Variants in NELL1 observed in about 807,000 individuals in gnomAD.
NELL1 encodes the protein neural EGFL like 1.
Under a neutral mutation model 107.4 loss-of-function variants are expected in NELL1, and 76 were observed. The observed-to-expected ratio is 0.71, with a 90% CI of 0.59 to 0.86. NELL1 has a LOEUF of 0.86. Ranked by LOEUF, NELL1 falls within the 40% of genes least tolerant of loss-of-function variation. NELL1 has a pLI of 0.00. For synonymous variants in NELL1, 353 were observed against 341.2 expected (o/e 1.03, Z -0.38); for missense variants, 1,024 against 1,005.5 (o/e 1.02, Z -0.25).
intron 15 of NELL1, among the ~76,000 whole-genome samples, chr11:21,401,606 G>A (rs1852099311): frequency 6.6e-6 from 1 of 151,726 alleles, no homozygotes; most frequent in Admixed American, 6.6e-5. Context: ...AAGGATCAGT[G>A]AGACTGTATC....
intron 16 of NELL1, among the ~76,000 whole-genome samples, chr11:21,545,263 AG>A (rs34355530): frequency 0.54 from 82,338 of 151,618 alleles, 22,708 homozygotes; most frequent in Non-Finnish European, 0.59. Flanking sequence ...GATAAACTAA[AG>A]AGTTGGTTAT....
At chr11:21,433,658 G>T (rs1853027975) in intron 15 of NELL1, among the ~76,000 whole-genome samples, 1 of 151,826 alleles carries the variant, frequency 6.6e-6, no homozygotes, top group African/African-American at 2.4e-5. Context: ...TTATATGTCT[G>T]ATGGAATTTG....
chr11:21,354,052 T>C (rs762190789), intron 14 of NELL1, among the ~76,000 whole-genome samples: 3 of 152,136 alleles, frequency 2.0e-5, no homozygotes, highest in Non-Finnish European at 4.4e-5. Context: ...ACAACAACTA[T>C]ATAAAGAAGG....
chr11:21,337,760 CTTTCTTTCTTTCTTTCT>C, intron 14 of NELL1, among the ~76,000 whole-genome samples: 1 of 142,436 alleles, frequency 7.0e-6, no homozygotes, highest in Middle Eastern at 3.4e-3. Flanking sequence ...TTCTTTCTTT[CTTTCTTTCTTTCTTTCT>C]TTCTTTCTTT....
At chr11:21,211,479 C>T (rs769306763) in intron 13 of NELL1, among the ~76,000 whole-genome samples, 2 of 152,042 alleles carry the variant, frequency 1.3e-5, no homozygotes, top group South Asian at 4.1e-4. Flanking sequence ...ATTTTAAGAC[C>T]AATGGGAAGT....
At position 21,145,715 on chromosome 11, in the gene NELL1, TA is replaced by T. The variant is rs370845158; in HGVS notation, c.1426+32003del. Among the ~76,000 whole-genome samples the T allele has an allele frequency of 2.2e-3, 333 of 152,286 alleles. 3 individuals are homozygous for T. Among genetic ancestry groups the T allele is most frequent in the African/African-American group, 7.5e-3 (311 of 41,566 alleles). ...TGACTGGGTTCTGGGGGCCCGTCCT[TA>T]ACCTTTATAGTGAAACCTGCCCTCT... On this transcript the variant is annotated intron_variant, in intron 13 of 19. Transcript: ENST00000357134.
Position 20,748,853 on chromosome 11 carries a change from C to T in NELL1, c.185-34827C>T, listed in dbSNP as rs111600970. Among the ~76,000 whole-genome samples, 261 of 149,936 alleles carry T rather than the reference C, an allele frequency of 1.7e-3. 4 individuals carry two copies. Among genetic ancestry groups the T allele is most frequent in the African/African-American group, 6.1e-3 (242 of 39,522 alleles). ...GGTTGGTTCCATGTCTTTGCAATTG[C>T]GTATTGGAGCATATTCTATCATCCA... On this transcript the variant is annotated intron_variant, in intron 2 of 19. Coordinates refer to ENST00000357134, the MANE Select transcript of NELL1 (RefSeq NM_006157.5).
At chr11:21,201,346 A>G (rs7483665) in intron 13 of NELL1, among the ~76,000 whole-genome samples, 9,010 of 152,170 alleles carry the variant, frequency 0.059, 273 homozygotes, top group East Asian at 0.14. Flanking sequence ...GGTCCTTCAC[A>G]TCTCTTGTAA....
At position 21,462,285 on chromosome 11, in the gene NELL1, T is replaced by G. The variant is rs527991478; in HGVS notation, c.1646-72089T>G. On this transcript the variant is annotated intron_variant, in intron 15 of 19. Transcript: ENST00000357134. ...CATTTCATTTGAAATTTTAAAATTC[T>G]TATATGTCAAGGGATATACTAACTA... Among the ~76,000 whole-genome samples, 44 of 152,248 alleles carry G rather than the reference T, an allele frequency of 2.9e-4. 1 individual carries two copies. The highest frequency in any genetic ancestry group is 1.1e-3 in the African/African-American group (44 of 41,564).
At chr11:21,041,964 G>A (rs1853245417) in intron 12 of NELL1, among the ~76,000 whole-genome samples, 1 of 152,182 alleles carries the variant, frequency 6.6e-6, no homozygotes, top group Non-Finnish European at 1.5e-5. Context: ...TGTGTGCACC[G>A]CCACATGTGG....
rs562382016 is a variant in NELL1 at position 20,909,200 on chromosome 11, A to G, written c.604-8982A>G. 2.6e-5 allele frequency among the ~76,000 whole-genome samples: 4 copies of G among 152,330 alleles called. No individual in the cohort carries two copies. In the South Asian group the frequency reaches 6.2e-4, roughly 24 times the overall value. ...CGGGAGTCATGGGAGTTATTGCTTA[A>G]TGGTTACAGAGTTTTTGTTGAGGCA... On this transcript the variant is annotated intron_variant, in intron 5 of 19. Transcript: ENST00000357134.
chr11:21,111,251 C>T (rs143649537), intron 12 of NELL1, among the ~76,000 whole-genome samples: 126 of 152,196 alleles, frequency 8.3e-4, no homozygotes, highest in African/African-American at 3.0e-3. Context: ...GTCTATGTGG[C>T]ATTTTGTTCA....
At chr11:20,930,261 G>A (rs906947463) in intron 9 of NELL1, among the ~76,000 whole-genome samples, 4 of 152,156 alleles carry the variant, frequency 2.6e-5, no homozygotes, top group African/African-American at 9.7e-5. Flanking sequence ...AAACACTCTT[G>A]AAATTTTAGT....
At chr11:21,482,755 AAAAAAAAAAG>A (rs937958392) in intron 15 of NELL1, among the ~76,000 whole-genome samples, 7 of 151,774 alleles carry the variant, frequency 4.6e-5, no homozygotes, top group Non-Finnish European at 7.4e-5. Context: ...GAGCTTAAAA[AAAAAAAAAAG>A]AAAAAAAGAA....
chr11:21,137,260 C>T (rs1855763561), intron 13 of NELL1, among the ~76,000 whole-genome samples: 2 of 152,158 alleles, frequency 1.3e-5, no homozygotes, highest in Admixed American at 1.3e-4. Context: ...GACCAGTGTC[C>T]TGGAGGAGAA....
chr11:21,575,015 A>G lies in NELL1; in HGVS notation c.2426A>G (p.Asn809Ser), dbSNP rs368152062. Reference sequence around the variant, plus strand: ...TCTGTGGATTTTGAGTGTCTTCAAAATAATTGAAGTATTTACAGTGGACTC... The same window carrying G: ...TCTGTGGATTTTGAGTGTCTTCAAAGTAATTGAAGTATTTACAGTGGACTC... Reference protein sequence around the residue: ...CCSVDFECLQNN With the variant: ...CCSVDFECLQSN The change falls in exon 20 of 20, where the codon AAT (asparagine) becomes AGT (serine). Residue 809 changes from asparagine (N) to serine (S), a missense_variant. Transcript: ENST00000357134. 56 of 1,609,372 alleles carry G rather than the reference A, an allele frequency of 3.5e-5. No individual in the cohort carries two copies. The highest frequency in any genetic ancestry group is 4.6e-5 in the Non-Finnish European group (54 of 1,176,658).
intron 17 of NELL1, 112 bp from the exon 18 acceptor site, chr11:21,570,651 CA>C: frequency 2.3e-6 from 2 of 867,604 alleles, no homozygotes; most frequent in Non-Finnish European, 3.5e-6. Flanking sequence ...CAGTTTTGAA[CA>C]GAATGAGAGG....
intron 14 of NELL1, among the ~76,000 whole-genome samples, chr11:21,254,118 C>T (rs1352235804): frequency 6.6e-6 from 1 of 151,980 alleles, no homozygotes; most frequent in African/African-American, 2.4e-5. Context: ...GGAGCTTACT[C>T]CTTCTCCATA....
chr11:21,270,773 G>A (rs1010684559), intron 14 of NELL1, among the ~76,000 whole-genome samples: 4 of 151,976 alleles, frequency 2.6e-5, no homozygotes, highest in Admixed American at 1.3e-4. Context: ...ACCATGTTCT[G>A]GGTCATAAAG....
Sources: allele counts gnomAD v4.1 joint callset (sites outside exome capture counted in the v4.1 genomes callset), GRCh38; gene constraint gnomAD v4.1.1; transcripts MANE v1.5; gene names NCBI Gene and HGNC (gene_info 2026-07-23, HGNC 2026-07-21).